PDE4B: variants seen among roughly 807,000 people sequenced by gnomAD.
The protein encoded by PDE4B is phosphodiesterase 4B.
Under a neutral mutation model 82.2 loss-of-function variants are expected in PDE4B, and 20 were observed. That is an observed-to-expected ratio of 0.24 (90% CI 0.17 to 0.35). The LOEUF is 0.35. Among genes scored for constraint, PDE4B ranks in the 10% least tolerant of loss-of-function variants. PDE4B has a pLI of 1.00. For synonymous variants in PDE4B, 320 were observed against 318.9 expected (o/e 1.00, Z -0.04); for missense variants, 655 against 907.2 (o/e 0.72, Z 3.57).
intron 3 of PDE4B, among the ~76,000 whole-genome samples, chr1:65,962,225 C>T (rs900216242): frequency 2.0e-5 from 3 of 152,082 alleles, no homozygotes; most frequent in Non-Finnish European, 2.9e-5. Context: ...TATGGGTACT[C>T]AAAGTAAGGT....
intron 3 of PDE4B, among the ~76,000 whole-genome samples, chr1:65,955,290 G>C (rs1266781469): frequency 6.6e-6 from 1 of 152,104 alleles, no homozygotes; most frequent in East Asian, 1.9e-4. Context: ...TCTGAGGACT[G>C]GGAAGAGAGA....
At chr1:65,962,606 G>A (rs1012714953) in intron 3 of PDE4B, among the ~76,000 whole-genome samples, 17 of 152,156 alleles carry the variant, frequency 1.1e-4, no homozygotes, top group African/African-American at 4.1e-4. Context: ...AGGTCATTGG[G>A]CCATGGGAAA....
intron 3 of PDE4B, among the ~76,000 whole-genome samples, chr1:65,979,277 G>A (rs560587249): frequency 6.6e-6 from 1 of 152,294 alleles, no homozygotes; most frequent in East Asian, 1.9e-4. Flanking sequence ...ATAGTATTCT[G>A]TACAGATTGC....
intron 3 of PDE4B, among the ~76,000 whole-genome samples, chr1:65,943,612 A>G (rs1036397875): frequency 2.6e-5 from 4 of 152,040 alleles, no homozygotes; most frequent in Admixed American, 2.0e-4. Context: ...TTTTAACAAT[A>G]TGAATTCTTC....
At chr1:66,273,553 C>T (rs191986585) in intron 7 of PDE4B, among the ~76,000 whole-genome samples, 1 of 152,242 alleles carries the variant, frequency 6.6e-6, no homozygotes, top group Non-Finnish European at 1.5e-5. Context: ...ATACCTTCTG[C>T]AACTCACCCA....
At chr1:66,334,993 CA>C (rs1001351683) in intron 8 of PDE4B, among the ~76,000 whole-genome samples, 10 of 150,568 alleles carry the variant, frequency 6.6e-5, no homozygotes, top group South Asian at 2.1e-4. Context: ...TTATCCATGG[CA>C]AAAAAAAACT....
At chr1:66,142,765 G>A (rs1271753460) in intron 3 of PDE4B, among the ~76,000 whole-genome samples, 3 of 152,150 alleles carry the variant, frequency 2.0e-5, no homozygotes, top group Non-Finnish European at 4.4e-5. Flanking sequence ...TAATGTCGGT[G>A]CTTTGATCTT....
rs1411584451 is a variant in PDE4B, at chr1:66,374,282, CG to C, written c.*1605del. ...AAATGTGAACTGATGTAGCAAATTA[CG>C]CAAATGTGAAGCCTCTTCTGATAAC... On this transcript the variant is annotated 3_prime_UTR_variant, in exon 17 of 17. Transcript: ENST00000341517. 6.6e-6 allele frequency: 1 copy of C among 152,616 alleles called. No homozygotes were observed. Among genetic ancestry groups the C allele is most frequent in the African/African-American group, 2.4e-5 (1 of 41,414 alleles). 9.5% of individuals were successfully genotyped at this position (152,616 alleles called of 1,614,324 possible). A position where few individuals can be genotyped will look rare whatever the true frequency, so the allele number is the denominator to read the frequency against.
intron 4 of PDE4B, among the ~76,000 whole-genome samples, chr1:66,253,729 T>G (rs980590214): frequency 6.6e-6 from 1 of 152,204 alleles, no homozygotes; most frequent in African/African-American, 2.4e-5. Flanking sequence ...CTAAGAGAAG[T>G]TTTTTGTTTT....
chr1:65,982,793 C>T (rs1158701094), intron 3 of PDE4B, among the ~76,000 whole-genome samples: 1 of 152,132 alleles, frequency 6.6e-6, no homozygotes, highest in Non-Finnish European at 1.5e-5. Context: ...AACTATCTGG[C>T]TGGTTGATAA....
At chr1:66,271,830 A>G (rs1341325130) in intron 7 of PDE4B, among the ~76,000 whole-genome samples, 1 of 152,224 alleles carries the variant, frequency 6.6e-6, no homozygotes, top group African/African-American at 2.4e-5. Context: ...TAAATTATTT[A>G]GGCAAATCAC....
chr1:65,908,920 T>C (rs1647056721), intron 1 of PDE4B, among the ~76,000 whole-genome samples: 1 of 152,170 alleles, frequency 6.6e-6, no homozygotes, highest in Non-Finnish European at 1.5e-5. Flanking sequence ...GTTCTTCTAC[T>C]CTGCCACAAT....
intron 1 of PDE4B, among the ~76,000 whole-genome samples, chr1:65,802,172 A>ATT (rs33999730): frequency 6.6e-6 from 1 of 152,024 alleles, no homozygotes; most frequent in African/African-American, 2.4e-5. Flanking sequence ...CAAGAAGTTT[A>ATT]TTTTTTTTAT....
intron 3 of PDE4B, among the ~76,000 whole-genome samples, chr1:66,217,159 T>C (rs1286051567): frequency 6.6e-6 from 1 of 152,072 alleles, no homozygotes; most frequent in African/African-American, 2.4e-5. Context: ...CCCAAGTGTG[T>C]CATTAGCCTC....
intron 3 of PDE4B, among the ~76,000 whole-genome samples, chr1:66,105,867 G>T (rs2455015): frequency 6.6e-6 from 1 of 151,680 alleles, no homozygotes; most frequent in Admixed American, 6.6e-5. Context: ...TCTAGATATA[G>T]AATCATGTCA....
intron 3 of PDE4B, among the ~76,000 whole-genome samples, chr1:66,142,693 C>A (rs553491086): frequency 6.6e-6 from 1 of 152,260 alleles, no homozygotes; most frequent in South Asian, 2.1e-4. Flanking sequence ...GCATTTGCAT[C>A]ATGGGAAAAG....
intron 3 of PDE4B, among the ~76,000 whole-genome samples, chr1:66,154,272 A>G (rs992714208): frequency 6.6e-6 from 1 of 152,186 alleles, no homozygotes; most frequent in Non-Finnish European, 1.5e-5. Flanking sequence ...TCATCTCTGT[A>G]ATCTGAACAT....
chr1:65,876,230 C>T (rs372901461), intron 1 of PDE4B, among the ~76,000 whole-genome samples: 47 of 152,114 alleles, frequency 3.1e-4, no homozygotes, highest in Admixed American at 1.6e-3. Context: ...AATAGATTCA[C>T]GGTATGCTTT....
intron 3 of PDE4B, among the ~76,000 whole-genome samples, chr1:66,214,670 G>A (rs995734218): frequency 6.6e-6 from 1 of 152,160 alleles, no homozygotes; most frequent in Admixed American, 6.5e-5. Flanking sequence ...TTAAGAATCT[G>A]TAGATCAGAG....
Sources: allele counts gnomAD v4.1 joint callset (sites outside exome capture counted in the v4.1 genomes callset), GRCh38; gene constraint gnomAD v4.1.1; transcripts MANE v1.5; gene names NCBI Gene and HGNC (gene_info 2026-07-23, HGNC 2026-07-21).